BARX2: variants seen among roughly 807,000 people sequenced by gnomAD.
The protein encoded by BARX2 is BARX homeobox 2, also known as homeobox protein BarH-like 2.
In BARX2, 11 loss-of-function variants were observed where a neutral mutation model predicts 25.5. The ratio of observed to expected loss-of-function variants is 0.43; its 90% CI spans 0.27 to 0.71. The LOEUF is 0.71. Ranked by LOEUF, BARX2 falls within the 30% of genes least tolerant of loss-of-function variation. The probability of loss-of-function intolerance (pLI) is 0.19; values close to 1 mark genes in which losing one functional copy is unlikely to be tolerated. For synonymous variants in BARX2, 137 were observed against 149.5 expected (o/e 0.92, Z 0.61); for missense variants, 360 against 359.9 (o/e 1.00, Z 0.00).
In BARX2 at chr11:129,436,617, C is replaced by T; in HGVS notation, c.188-134C>T. 1.0e-6 allele frequency: 1 copy of T among 985,358 alleles called. No individual in the cohort carries two copies. Among genetic ancestry groups the T allele is most frequent in the Non-Finnish European group, 1.5e-6 (1 of 675,030 alleles). The allele number at this position is 985,358 out of a possible 1,614,324, so 61.0% of individuals were successfully genotyped here. The stretch of plus-strand genomic sequence containing the variant: ...AGGTCTTGAGTTACCTCTCCTTCCC[C>T]TTCCTCCATCTGTACCTCCTTAAGA... On this transcript the variant is annotated intron_variant, in intron 1 of 3. Transcript: ENST00000281437. The surrounding 1 kb of genome is among the most constrained non-coding windows in gnomAD (Gnocchi z 4.5).
chr11:129,380,206 A>G (rs1020991649), intron 1 of BARX2, among the ~76,000 whole-genome samples: 2 of 152,092 alleles, frequency 1.3e-5, no homozygotes, highest in Non-Finnish European at 2.9e-5. Flanking sequence ...AGTCACACCC[A>G]GGGGACAGTC....
rs745753121 is a variant in BARX2 at position 129,390,215 on chromosome 11, C to G, written c.187+13993C>G. On this transcript the variant is annotated intron_variant, in intron 1 of 3. Transcript: ENST00000281437. The surrounding 1 kb of genome is among the most constrained non-coding windows in gnomAD (Gnocchi z 4.3). The stretch of plus-strand genomic sequence containing the variant: ...TGTCCAGCCATTTATAATGATGATT[C>G]CGACAGGCAATCTCTAGTGGCCTCA... 6.6e-6 allele frequency among the ~76,000 whole-genome samples: 1 copy of G among 152,166 alleles called. No individual in the cohort carries two copies. The highest frequency in any genetic ancestry group is 1.5e-5 in the Non-Finnish European group (1 of 68,020).
intron 3 of BARX2, among the ~76,000 whole-genome samples, chr11:129,446,236 A>G (rs976243385): frequency 6.6e-5 from 10 of 152,158 alleles, no homozygotes; most frequent in Non-Finnish European, 2.9e-5. Flanking sequence ...CTAAAATGCA[A>G]TTCTCTTCCA....
chr11:129,437,081 G>C, intron 2 of BARX2, 30 bp downstream of exon 2: 1 of 1,510,326 alleles, frequency 6.6e-7, no homozygotes, highest in Non-Finnish European at 8.9e-7. Flanking sequence ...ACTCTCCGCA[G>C]TGAAGGCCCC....
rs117566256 is a variant in BARX2 at position 129,387,018 on chromosome 11, G to A, written c.187+10796G>A. Among the ~76,000 whole-genome samples, 1,184 of 152,316 alleles carry A rather than the reference G, an allele frequency of 7.8e-3. 8 individuals are homozygous for A. Among genetic ancestry groups the A allele is most frequent in the Non-Finnish European group, 0.012 (806 of 68,018 alleles). ...GGACTGTGCCCAAACTGGACGTGAT[G>A]GAAAGGATGGTGGCTCTATCAGTTT... is the stretch of plus-strand genomic sequence containing the variant. On this transcript the variant is annotated intron_variant, in intron 1 of 3. Coordinates refer to ENST00000281437, the MANE Select transcript of BARX2 (RefSeq NM_003658.5).
chr11:129,448,670 G>T (rs1419399446), intron 3 of BARX2, among the ~76,000 whole-genome samples: 2 of 152,154 alleles, frequency 1.3e-5, no homozygotes, highest in African/African-American at 4.8e-5. Flanking sequence ...TATGCAGCTG[G>T]CTGGAACGTA....
chr11:129,402,995 A>G (rs1232359450), intron 1 of BARX2, among the ~76,000 whole-genome samples: 2 of 152,260 alleles, frequency 1.3e-5, no homozygotes, highest in Non-Finnish European at 2.9e-5. Context: ...GGTATTTGCA[A>G]ATCAACTCTA....
At chr11:129,392,064 A>G (rs1276899808) in intron 1 of BARX2, among the ~76,000 whole-genome samples, 1 of 152,086 alleles carries the variant, frequency 6.6e-6, no homozygotes, top group African/African-American at 2.4e-5. Flanking sequence ...GGGATGGTCC[A>G]CTCTGCTGGG....
chr11:129,376,165 C>T lies in BARX2; in HGVS notation c.130C>T (p.Leu44Phe). 2 of 1,613,596 alleles carry T rather than the reference C, an allele frequency of 1.2e-6. No individual in the cohort carries two copies. The highest frequency in any genetic ancestry group is 1.1e-5 in the South Asian group (1 of 91,014). Residue 44 changes from leucine (L) to phenylalanine (F), a missense_variant, in exon 1 of 4, where the codon CTC becomes TTC. Coordinates refer to ENST00000281437, the MANE Select transcript of BARX2 (RefSeq NM_003658.5). This position sits in a 1 kb window ranked among gnomAD's most constrained non-coding sequence, Gnocchi z 4.2. ...CTGCGATTACTTTGAGAAACTTTCCCTCTACTCCGTGTGCCCGTCGCTGGT... is the reference window on the plus strand; with the variant it reads ...CTGCGATTACTTTGAGAAACTTTCCTTCTACTCCGTGTGCCCGTCGCTGGT... ...ETCDYFEKLS[L>F]YSVCPSLVVR... is the part of the protein sequence containing the mutation.
Position 129,416,762 on chromosome 11 carries a change from G to A in BARX2, c.188-19989G>A, listed in dbSNP as rs548591611. On this transcript the variant is annotated intron_variant, in intron 1 of 3. Transcript: ENST00000281437. ...TCATTATGGACCCACAAATGTAACC[G>A]ACTGGATGGATGGTTTCCACTGAGA... Among the ~76,000 whole-genome samples, 34 of 151,988 alleles carry A rather than the reference G, an allele frequency of 2.2e-4. No individual in the cohort carries two copies. The South Asian group carries it at 4.6e-3, about 20-fold the overall frequency.
intron 1 of BARX2, among the ~76,000 whole-genome samples, chr11:129,416,975 C>T (rs1411496801): frequency 6.6e-6 from 1 of 151,514 alleles, no homozygotes; most frequent in Non-Finnish European, 1.5e-5. Flanking sequence ...AATCTCAGCT[C>T]ACTGCAAGCT....
intron 1 of BARX2, among the ~76,000 whole-genome samples, chr11:129,417,810 G>T (rs1173191635): frequency 6.6e-6 from 1 of 152,138 alleles, no homozygotes; most frequent in Non-Finnish European, 1.5e-5. Flanking sequence ...TTATAATAGT[G>T]CCTATACAAT....
chr11:129,424,173 T>G (rs974487645), intron 1 of BARX2, among the ~76,000 whole-genome samples: 4 of 152,226 alleles, frequency 2.6e-5, no homozygotes, highest in Admixed American at 6.5e-5. Flanking sequence ...TAAATCTTTC[T>G]TCTTGGGAGA....
At chr11:129,400,361 G>T (rs751986075) in intron 1 of BARX2, among the ~76,000 whole-genome samples, 1 of 152,168 alleles carries the variant, frequency 6.6e-6, no homozygotes, top group Non-Finnish European at 1.5e-5. Context: ...AGCCCAGTCT[G>T]TAGGGGAGGC....
chr11:129,399,435 C>T (rs545210697), intron 1 of BARX2, among the ~76,000 whole-genome samples: 17 of 152,172 alleles, frequency 1.1e-4, no homozygotes, highest in African/African-American at 3.1e-4. Flanking sequence ...GTATGTTATC[C>T]GGGCTGGTCT....
At chr11:129,384,835 G>T (rs2135384716) in intron 1 of BARX2, among the ~76,000 whole-genome samples, 1 of 152,314 alleles carries the variant, frequency 6.6e-6, no homozygotes, top group Non-Finnish European at 1.5e-5. Context: ...TACCTAACAT[G>T]TAATAGGCAC....
At position 129,447,074 on chromosome 11, in the gene BARX2, T is replaced by C. The variant is rs568412321; in HGVS notation, c.574-4062T>C. Among the ~76,000 whole-genome samples, 3 of 152,304 alleles carry C rather than the reference T, an allele frequency of 2.0e-5. No homozygotes were observed. The South Asian group carries it at 6.2e-4, about 32-fold the overall frequency. Reference sequence around the variant, plus strand: ...ATGCTGAATGCAATACTGCTAAGACTGTTAGACTCAAATGGTCAGGAGGTT... The same window carrying C: ...ATGCTGAATGCAATACTGCTAAGACCGTTAGACTCAAATGGTCAGGAGGTT... On this transcript the variant is annotated intron_variant, in intron 3 of 3. Coordinates refer to ENST00000281437, the MANE Select transcript of BARX2 (RefSeq NM_003658.5).
intron 1 of BARX2, among the ~76,000 whole-genome samples, chr11:129,430,850 A>G (rs1021101442): frequency 6.6e-6 from 1 of 152,084 alleles, no homozygotes; most frequent in Non-Finnish European, 1.5e-5. Context: ...TCCACTATTC[A>G]TCAAGTTTTT....
At chr11:129,417,517 C>T (rs1861958009) in intron 1 of BARX2, among the ~76,000 whole-genome samples, 2 of 152,234 alleles carry the variant, frequency 1.3e-5, no homozygotes, top group South Asian at 4.1e-4. Context: ...GCAGGGCAAA[C>T]TGCATTTTAA....
Sources: gnomAD v4.1 joint callset for allele counts (sites outside exome capture counted in the v4.1 genomes callset) on GRCh38, gnomAD v4.1.1 for gene constraint, Gnocchi (gnomAD v3.1) non-coding constraint, MANE v1.5 for transcripts, NCBI Gene and HGNC (gene_info 2026-07-23, HGNC 2026-07-21) for gene names.